The following EXOC6B variants were observed in gnomAD, a reference collection of about 807,000 sequenced individuals.
The protein encoded by EXOC6B is exocyst complex component 6B.
EXOC6B carries 54 observed loss-of-function variants against 113.5 expected under a neutral mutation model. The observed-to-expected ratio is 0.48, with a 90% CI of 0.38 to 0.60. EXOC6B has a LOEUF of 0.60. Ranked by LOEUF, EXOC6B falls within the 20% of genes least tolerant of loss-of-function variation. The pLI, the probability that EXOC6B is intolerant of heterozygous loss-of-function variation, is 0.00. For synonymous variants in EXOC6B, 357 were observed against 339.0 expected, an observed-to-expected ratio of 1.05 and a Z score of -0.58; for missense variants, 797 against 977.5, an observed-to-expected ratio of 0.82 and a Z score of 2.46.
At chr2:72,784,187 T>A (rs1684238771) in intron 1 of EXOC6B, among the ~76,000 whole-genome samples, 1 of 152,216 alleles carries the variant, frequency 6.6e-6, no homozygotes, top group Non-Finnish European at 1.5e-5. Flanking sequence ...TCTGAATTCT[T>A]CTCCATTGGT....
intron 6 of EXOC6B, among the ~76,000 whole-genome samples, chr2:72,633,779 G>T (rs1351924505): frequency 6.6e-6 from 1 of 151,744 alleles, no homozygotes; most frequent in Non-Finnish European, 1.5e-5. Flanking sequence ...AATAAAACAG[G>T]GTCTGTCCCA....
At chr2:72,448,113 TACTA>T (rs1337072581) in intron 18 of EXOC6B, among the ~76,000 whole-genome samples, 1 of 152,206 alleles carries the variant, frequency 6.6e-6, no homozygotes, top group African/African-American at 2.4e-5. Context: ...CTATCTACGA[TACTA>T]ACTTCATATT....
At chr2:72,640,070 T>C (rs903590408) in intron 6 of EXOC6B, among the ~76,000 whole-genome samples, 1 of 152,112 alleles carries the variant, frequency 6.6e-6, no homozygotes, top group Non-Finnish European at 1.5e-5. Context: ...ATGAAGATCA[T>C]TGAGCTACAG....
chr2:72,658,286 T>TAAAAAAAAAAAAAAAAAAAAAAAAAAAA, intron 6 of EXOC6B, among the ~76,000 whole-genome samples: 1 of 58,726 alleles, frequency 1.7e-5, no homozygotes, highest in Non-Finnish European at 3.1e-5. Flanking sequence ...TAAAAACTAG[T>TAAAAAAAAAAAAAAAAAAAAAAAAAAAA]AAAAAAAAAA....
intron 1 of EXOC6B, among the ~76,000 whole-genome samples, chr2:72,744,768 C>T (rs1260842829): frequency 2.0e-5 from 3 of 151,990 alleles, no homozygotes; most frequent in South Asian, 2.1e-4. Context: ...TCTACGGTAA[C>T]GTCACAAAAG....
rs374449117 is a variant in EXOC6B at position 72,195,702 on chromosome 2, G to A, written c.2197-11515C>T. Among the ~76,000 whole-genome samples, 17 of 152,194 alleles carry A rather than the reference G, an allele frequency of 1.1e-4. 1 individual carries two copies. Among genetic ancestry groups the A allele is most frequent in the African/African-American group, 4.1e-4 (17 of 41,510 alleles). On this transcript the variant is annotated intron_variant, in intron 20 of 21. Transcript: ENST00000272427. ...AACAATGTAAGTGTAAGCAAATATC[G>A]AGAAAATGGCAGAGCTCAAAAATCT...
intron 6 of EXOC6B, among the ~76,000 whole-genome samples, chr2:72,679,762 G>A (rs1229014752): frequency 6.6e-6 from 1 of 152,144 alleles, no homozygotes; most frequent in African/African-American, 2.4e-5. Context: ...GCAACAAAAG[G>A]TTTCAAAAGA....
chr2:72,492,722 T>C (rs950952464), intron 15 of EXOC6B, among the ~76,000 whole-genome samples: 1 of 152,028 alleles, frequency 6.6e-6, no homozygotes, highest in Non-Finnish European at 1.5e-5. Flanking sequence ...TTCTCTGGCT[T>C]GCATAGTTTC....
chr2:72,794,427 T>C (rs1684837867), intron 1 of EXOC6B, among the ~76,000 whole-genome samples: 2 of 152,184 alleles, frequency 1.3e-5, no homozygotes, highest in Non-Finnish European at 2.9e-5. Flanking sequence ...ATTTGGTGAA[T>C]ATTACCCAGA....
chr2:72,385,888 G>A (rs544155634), intron 18 of EXOC6B, among the ~76,000 whole-genome samples: 1 of 152,192 alleles, frequency 6.6e-6, no homozygotes, highest in South Asian at 2.1e-4. Flanking sequence ...GTGGAGAAGA[G>A]GGAACCTTTG....
chr2:72,708,955 A>T (rs559291173), intron 6 of EXOC6B, among the ~76,000 whole-genome samples: 14 of 123,540 alleles, frequency 1.1e-4, no homozygotes, highest in African/African-American at 3.9e-4. Context: ...TGTTGCCCAC[A>T]CTAATCTCAA....
intron 20 of EXOC6B, among the ~76,000 whole-genome samples, chr2:72,211,139 G>T (rs925896513): frequency 6.6e-6 from 1 of 152,160 alleles, no homozygotes; most frequent in Non-Finnish European, 1.5e-5. Context: ...CCTGCAACCT[G>T]TAAGACTCAT....
At chr2:72,695,621 C>A (rs1251339704) in intron 6 of EXOC6B, among the ~76,000 whole-genome samples, 1 of 152,102 alleles carries the variant, frequency 6.6e-6, no homozygotes, top group Non-Finnish European at 1.5e-5. Flanking sequence ...AAGTCAGGAT[C>A]TCCCTAACTC....
chr2:72,767,142 T>C (rs983380700), intron 1 of EXOC6B, among the ~76,000 whole-genome samples: 3 of 151,960 alleles, frequency 2.0e-5, no homozygotes, highest in African/African-American at 7.3e-5. Flanking sequence ...AAATATTGGG[T>C]TTCCTGGCCG....
chr2:72,430,653 GA>G (rs1170041720), intron 18 of EXOC6B, among the ~76,000 whole-genome samples: 1 of 151,788 alleles, frequency 6.6e-6, no homozygotes, highest in Non-Finnish European at 1.5e-5. Context: ...TCTCAAAAAA[GA>G]AAAAACAATT....
At chr2:72,310,687 TA>T (rs1163965766) in intron 20 of EXOC6B, among the ~76,000 whole-genome samples, 1 of 152,158 alleles carries the variant, frequency 6.6e-6, no homozygotes, top group Non-Finnish European at 1.5e-5. Context: ...AAGTCCAATT[TA>T]TTTTTCTTTT....
chr2:72,454,938 A>G (rs550994126), intron 18 of EXOC6B, among the ~76,000 whole-genome samples: 9 of 152,352 alleles, frequency 5.9e-5, no homozygotes, highest in Middle Eastern at 3.4e-3. Flanking sequence ...TTTTATTTCA[A>G]TGTACTCTAT....
At chr2:72,817,814 T>C (rs1686344975) in intron 1 of EXOC6B, among the ~76,000 whole-genome samples, 1 of 152,122 alleles carries the variant, frequency 6.6e-6, no homozygotes, top group South Asian at 2.1e-4. Flanking sequence ...ATATTCTAAA[T>C]CCAGCTACTT....
At chr2:72,334,074 CAA>C (rs372903048) in intron 20 of EXOC6B, among the ~76,000 whole-genome samples, 4 of 133,756 alleles carry the variant, frequency 3.0e-5, no homozygotes, top group Non-Finnish European at 3.3e-5. Context: ...TTTAAACAGA[CAA>C]AAAAAAAAAA....
Sources: gnomAD v4.1 joint callset for allele counts (sites outside exome capture counted in the v4.1 genomes callset) on GRCh38, gnomAD v4.1.1 for gene constraint, MANE v1.5 for transcripts, NCBI Gene and HGNC (gene_info 2026-07-23, HGNC 2026-07-21) for gene names.